The following ANTXR1 variants were observed in gnomAD, a reference collection of about 807,000 sequenced individuals.
ANTXR1 encodes the protein anthrax toxin receptor 1.
Under a neutral mutation model 78.1 loss-of-function variants are expected in ANTXR1, and 19 were observed. The ratio of observed to expected loss-of-function variants is 0.24; its 90% CI spans 0.17 to 0.36. The LOEUF (loss-of-function observed/expected upper bound fraction) is 0.36, where lower values mean the gene tolerates loss of function less well. Among genes scored for constraint, ANTXR1 ranks in the 10% least tolerant of loss-of-function variants. ANTXR1 has a pLI of 1.00. For synonymous variants in ANTXR1, 273 were observed against 260.5 expected (o/e 1.05, Z -0.46); for missense variants, 518 against 718.6 (o/e 0.72, Z 3.19).
intron 12 of ANTXR1, among the ~76,000 whole-genome samples, chr2:69,124,940 A>G (rs972876593): frequency 6.6e-6 from 1 of 152,180 alleles, no homozygotes; most frequent in African/African-American, 2.4e-5. Context: ...CTGTGCAGTA[A>G]TGAGGGTGGA....
chr2:69,065,178 C>T (rs1670360014), intron 3 of ANTXR1, among the ~76,000 whole-genome samples: 1 of 152,130 alleles, frequency 6.6e-6, no homozygotes, highest in Non-Finnish European at 1.5e-5. Flanking sequence ...GTAATCCCAG[C>T]ACTTTGGGAG....
intron 14 of ANTXR1, among the ~76,000 whole-genome samples, chr2:69,178,902 GAGTCCC>G (rs1162234875): frequency 6.6e-6 from 1 of 152,132 alleles, no homozygotes; most frequent in African/African-American, 2.4e-5. Context: ...GAACCTAGTT[GAGTCCC>G]CTGTGGAATA....
chr2:69,131,797 G>C (rs1022853040), intron 12 of ANTXR1, among the ~76,000 whole-genome samples: 4 of 152,184 alleles, frequency 2.6e-5, no homozygotes, highest in Admixed American at 1.3e-4. Context: ...TTGGGAGGTA[G>C]ACTTCAGAAA....
intron 14 of ANTXR1, among the ~76,000 whole-genome samples, chr2:69,172,019 C>A (rs1351799490): frequency 1.3e-5 from 2 of 152,188 alleles, no homozygotes; most frequent in South Asian, 4.1e-4. Context: ...CCCTGTCACT[C>A]TATCAAAGGG....
chr2:69,230,148 A>T (rs1322209737), intron 17 of ANTXR1, among the ~76,000 whole-genome samples: 2 of 151,614 alleles, frequency 1.3e-5, no homozygotes. Context: ...ACTTTTCCTA[A>T]ATCTCCTTTC....
chr2:69,110,484 T>C (rs984493945), intron 10 of ANTXR1, among the ~76,000 whole-genome samples: 1 of 152,196 alleles, frequency 6.6e-6, no homozygotes, highest in African/African-American at 2.4e-5. Flanking sequence ...CCCTAAATAA[T>C]TAAACAATGT....
intron 12 of ANTXR1, among the ~76,000 whole-genome samples, chr2:69,130,892 GA>G (rs1672720843): frequency 6.6e-6 from 1 of 152,180 alleles, no homozygotes. Context: ...TAACTAGGAA[GA>G]AAAACACCAG....
chr2:69,078,755 T>C (rs931969509), intron 8 of ANTXR1, among the ~76,000 whole-genome samples: 3 of 152,222 alleles, frequency 2.0e-5, no homozygotes, highest in African/African-American at 7.2e-5. Context: ...CAATAGGCAC[T>C]CAAGGCATAT....
intron 10 of ANTXR1, among the ~76,000 whole-genome samples, chr2:69,107,128 G>A (rs939443714): frequency 6.6e-6 from 1 of 151,530 alleles, no homozygotes; most frequent in Non-Finnish European, 1.5e-5. Flanking sequence ...CCCCCCGAAC[G>A]AAAGCACCAC....
chr2:69,021,963 C>T (rs756162617), intron 1 of ANTXR1, among the ~76,000 whole-genome samples: 6 of 152,142 alleles, frequency 3.9e-5, no homozygotes, highest in Non-Finnish European at 7.4e-5. Context: ...CCATTCTCTG[C>T]ATACTTTAGA....
chr2:69,078,501 G>C lies in ANTXR1; in HGVS notation c.642+1013G>C, dbSNP rs527996435. 2.6e-3 allele frequency among the ~76,000 whole-genome samples: 394 copies of C among 152,292 alleles called. 3 individuals carry two copies. Among genetic ancestry groups the C allele is most frequent in the African/African-American group, 9.3e-3 (385 of 41,556 alleles). On this transcript the variant is annotated intron_variant, in intron 8 of 17. Coordinates refer to ENST00000303714, the MANE Select transcript of ANTXR1 (RefSeq NM_032208.3). ...ACCAACCCAGGAAAATTCCAGCATG[G>C]CTGTGCCTCCATGCTGCTCTCCCTT...
At chr2:69,103,321 T>C (rs1671689980) in intron 10 of ANTXR1, 1 of 342,660 alleles carries the variant, frequency 2.9e-6, no homozygotes, top group East Asian at 7.2e-5. Context: ...TGATGGTTAA[T>C]TAGGACTGCA....
chr2:69,148,441 G>T (rs1240870221), intron 12 of ANTXR1, among the ~76,000 whole-genome samples: 1 of 152,200 alleles, frequency 6.6e-6, no homozygotes, highest in Non-Finnish European at 1.5e-5. Flanking sequence ...ACAATAGCCC[G>T]CTGGTCTGCT....
At chr2:69,025,194 A>G (rs1671305219) in intron 1 of ANTXR1, among the ~76,000 whole-genome samples, 1 of 152,156 alleles carries the variant, frequency 6.6e-6, no homozygotes, top group Admixed American at 6.6e-5. Flanking sequence ...TTACTAGTGC[A>G]TGGTCCCCTT....
intron 16 of ANTXR1, among the ~76,000 whole-genome samples, chr2:69,184,063 TCACA>T (rs5831966): frequency 3.3e-5 from 5 of 149,806 alleles, no homozygotes; most frequent in Non-Finnish European, 6.0e-5. Context: ...ATACACACAC[TCACA>T]CACACACACA....
At chr2:69,072,064 A>G (rs893598889) in intron 5 of ANTXR1, among the ~76,000 whole-genome samples, 2 of 152,204 alleles carry the variant, frequency 1.3e-5, no homozygotes, top group African/African-American at 4.8e-5. Context: ...TGCATGTTGA[A>G]TTCACTAAAT....
At chr2:69,054,515 C>T (rs974823902) in intron 3 of ANTXR1, among the ~76,000 whole-genome samples, 49 of 152,170 alleles carry the variant, frequency 3.2e-4, no homozygotes, top group African/African-American at 1.1e-3. Context: ...GATGGGGGTA[C>T]GAGGTTAAGT....
intron 13 of ANTXR1, among the ~76,000 whole-genome samples, chr2:69,161,283 C>T (rs1673676406): frequency 6.6e-6 from 1 of 152,166 alleles, no homozygotes; most frequent in Non-Finnish European, 1.5e-5. Flanking sequence ...GGTAAAGCTC[C>T]TGCTGCAACT....
chr2:69,202,189 AAAAG>A (rs1341075369), intron 17 of ANTXR1, among the ~76,000 whole-genome samples: 4 of 152,166 alleles, frequency 2.6e-5, no homozygotes, highest in African/African-American at 9.7e-5. Context: ...CAGGGTGGAG[AAAAG>A]AAATAGAGCA....
Sources: gnomAD v4.1 joint callset for allele counts (sites outside exome capture counted in the v4.1 genomes callset) on GRCh38, gnomAD v4.1.1 for gene constraint, MANE v1.5 for transcripts, NCBI Gene and HGNC (gene_info 2026-07-23, HGNC 2026-07-21) for gene names.